The following SPEN variants were observed in gnomAD, a reference collection of about 807,000 sequenced individuals.
The protein encoded by SPEN is spen family transcriptional repressor.
SPEN carries 18 observed loss-of-function variants against 269.9 expected under a neutral mutation model. That is an observed-to-expected ratio of 0.07 (90% CI 0.05 to 0.10). The LOEUF (loss-of-function observed/expected upper bound fraction) is 0.10. Among genes scored for constraint, SPEN ranks in the 10% least tolerant of loss-of-function variants. The probability of loss-of-function intolerance (pLI) is 1.00; values close to 1 mark genes in which losing one functional copy is unlikely to be tolerated. For synonymous variants in SPEN, 1,726 were observed against 1,765.7 expected (o/e 0.98, Z 0.56); for missense variants, 3,822 against 4,631.2 (o/e 0.83, Z 5.07).
At chr1:15,881,067 C>T (rs566624593) in intron 3 of SPEN, among the ~76,000 whole-genome samples, 5 of 152,226 alleles carry the variant, frequency 3.3e-5, no homozygotes, top group East Asian at 1.9e-4. Context: ...CTCCTGGGCT[C>T]AAACCATCCT....
rs2071228660 is a variant in SPEN at position 15,932,206 on chromosome 1, C to G, written c.5966C>G (p.Thr1989Ser). Residue 1989 changes from threonine to serine, a missense_variant, in exon 11 of 15, where the codon ACT becomes AGT. Thr to Ser is a moderately conservative substitution (Grantham distance 58). Transcript: ENST00000375759. The surrounding 1 kb of genome is among the most constrained non-coding windows in gnomAD (Gnocchi z 4.2). ...TGGCGGTCGCCAAGGTCCCAGAAAA[C>G]TGCAGCTGGTGGTGGACCCCAAGGG... ...EGWRSPRSQK[T>S]AAGGGPQGKK... The G allele has an allele frequency of 1.2e-6, 2 of 1,612,756 alleles. No homozygotes were observed. The highest frequency in any genetic ancestry group is 1.7e-6 in the Non-Finnish European group (2 of 1,179,668).
At chr1:15,919,076 G>T in intron 7 of SPEN, 25 bp downstream of exon 7, 1 of 1,596,970 alleles carries the variant, frequency 6.3e-7, no homozygotes, top group South Asian at 1.1e-5. Context: ...ATAAATTATT[G>T]TGCTGTTATG....
rs1345126916 is a variant in SPEN, at chr1:15,931,453, C to T, written c.5213C>T (p.Pro1738Leu). Residue 1738 changes from proline (P) to leucine (L), a missense_variant, in exon 11 of 15, where the codon CCC becomes CTC. Physicochemically the swap from Pro to Leu is moderately conservative, Grantham distance 98. This residue lies in a region of SPEN where 533 missense variants were observed against 618.8 expected (regional missense o/e 0.86). Coordinates refer to ENST00000375759, the MANE Select transcript of SPEN (RefSeq NM_015001.3). The surrounding 1 kb of genome is among the most constrained non-coding windows in gnomAD (Gnocchi z 4.8). ...TATCTGGATGCCAAGCCTCCAACTC[C>T]CGGGGCCTCGTTTTCCCAGGCAGAG... Reference protein sequence around the residue: ...PPYLDAKPPTPGASFSQAESN... With the variant: ...PPYLDAKPPTLGASFSQAESN... The T allele has an allele frequency of 6.2e-7, 1 of 1,614,114 alleles. No individual in the cohort carries two copies. The highest frequency in any genetic ancestry group is 8.5e-7 in the Non-Finnish European group (1 of 1,180,012).
rs1185189678 is a variant in SPEN, at chr1:15,872,672, T to C, written c.84-144T>C. On this transcript the variant is annotated intron_variant, in intron 1 of 14. Coordinates refer to ENST00000375759, the MANE Select transcript of SPEN (RefSeq NM_015001.3). The stretch of plus-strand genomic sequence containing the variant: ...ATATTTTCCCCAGAGAGAAAAACGT[T>C]AAGTGTAAAAGAGAGCCATTTAAAA... 47 of 479,056 alleles carry C rather than the reference T, an allele frequency of 9.8e-5. No individual in the cohort carries two copies. The East Asian group carries it at 1.4e-3, about 15-fold the overall frequency. 29.7% of individuals were successfully genotyped at this position (479,056 alleles called of 1,614,324 possible). A position where few individuals can be genotyped will look rare whatever the true frequency, so the allele number is the denominator to read the frequency against.
chr1:15,852,306 A>G (rs945884081), intron 1 of SPEN, among the ~76,000 whole-genome samples: 6 of 152,152 alleles, frequency 3.9e-5, no homozygotes, highest in African/African-American at 1.2e-4. Flanking sequence ...CATCCCGTCT[A>G]TGAAACCACC....
intron 3 of SPEN, among the ~76,000 whole-genome samples, chr1:15,889,457 T>C (rs643420): frequency 0.6 from 90,995 of 151,562 alleles, 27,626 homozygotes; most frequent in Admixed American, 0.67. Context: ...TGAGCCACCG[T>C]GCCTGGCCAA....
intron 1 of SPEN, 25 bp from the exon 2 acceptor site, chr1:15,872,791 A>G (rs1479756068): frequency 1.4e-6 from 2 of 1,474,288 alleles, no homozygotes; most frequent in Non-Finnish European, 9.0e-7. Flanking sequence ...ATATGCAGCA[A>G]TAACGTTGAC....
At chr1:15,869,132 C>T (rs1040057188) in intron 1 of SPEN, among the ~76,000 whole-genome samples, 5 of 152,316 alleles carry the variant, frequency 3.3e-5, no homozygotes, top group Non-Finnish European at 4.4e-5. Flanking sequence ...TCTCGGCTCA[C>T]TGTAGTCTCT....
At chr1:15,863,896 A>G (rs2070471485) in intron 1 of SPEN, among the ~76,000 whole-genome samples, 2 of 152,210 alleles carry the variant, frequency 1.3e-5, no homozygotes, top group Admixed American at 1.3e-4. Context: ...ACTATTCACA[A>G]TAGCCAAAAG....
At position 15,935,423 on chromosome 1, in the gene SPEN, C is replaced by T. The variant is rs746545727; in HGVS notation, c.9183C>T (p.Gly3061=). ...STNATVMLAA[G]IPVPQFISSI... ...ACGCCACAGTCATGCTGGCTGCAGGCATCCCAGTGCCCCAGTTCATCTCCA... is the reference window on the plus strand; with the variant it reads ...ACGCCACAGTCATGCTGGCTGCAGGTATCCCAGTGCCCCAGTTCATCTCCA... Residue 3061 remains glycine (G), a synonymous_variant, in exon 11 of 15, where the codon GGC becomes GGT. Transcript: ENST00000375759. The surrounding 1 kb of genome is among the most constrained non-coding windows in gnomAD (Gnocchi z 7.7). 6.2e-7 allele frequency: 1 copy of T among 1,614,130 alleles called. No homozygotes were observed. The highest frequency in any genetic ancestry group is 1.1e-5 in the South Asian group (1 of 91,082).
intron 3 of SPEN, among the ~76,000 whole-genome samples, chr1:15,900,896 C>T (rs2070892831): frequency 6.6e-6 from 1 of 151,850 alleles, no homozygotes; most frequent in Non-Finnish European, 1.5e-5. Flanking sequence ...CCCACTGTGA[C>T]AACAAAAATG....
intron 10 of SPEN, among the ~76,000 whole-genome samples, chr1:15,927,278 C>A (rs1217929087): frequency 6.6e-6 from 1 of 152,152 alleles, no homozygotes; most frequent in Admixed American, 6.5e-5. Flanking sequence ...TGTTAGTTGG[C>A]AGCCTGGGGG....
At position 15,848,034 on chromosome 1, in the gene SPEN, G is replaced by T. The variant is rs1325294254; in HGVS notation, c.-34G>T. 5.8e-6 allele frequency: 8 copies of T among 1,370,688 alleles called. No homozygotes were observed. Among genetic ancestry groups the T allele is most frequent in the Non-Finnish European group, 7.7e-6 (8 of 1,037,764 alleles). 84.9% of individuals were successfully genotyped at this position (1,370,688 alleles called of 1,614,324 possible). ...TCTCGTACGAAGCCGGCGAGGGGGA[G>T]CCAGCAGCGGCGGTCGCCGGCACGC... On this transcript the variant is annotated 5_prime_UTR_variant, in exon 1 of 15. Coordinates refer to ENST00000375759, the MANE Select transcript of SPEN (RefSeq NM_015001.3). The surrounding 1 kb of genome is among the most constrained non-coding windows in gnomAD (Gnocchi z 5.1).
chr1:15,859,456 C>G (rs2070420612), intron 1 of SPEN, among the ~76,000 whole-genome samples: 1 of 146,044 alleles, frequency 6.8e-6, no homozygotes, highest in Non-Finnish European at 1.5e-5. Context: ...CTCCTGGGTT[C>G]ACACCATTCT....
At position 15,876,692 on chromosome 1, in the gene SPEN, CT is replaced by C. The variant is rs1428439489; in HGVS notation, c.881+18del. 1.3e-6 allele frequency: 2 copies of C among 1,581,534 alleles called. No homozygotes were observed. Among genetic ancestry groups the C allele is most frequent in the African/African-American group, 1.3e-5 (1 of 74,376 alleles). On this transcript the variant is annotated intron_variant, in intron 3 of 14. Coordinates refer to ENST00000375759, the MANE Select transcript of SPEN (RefSeq NM_015001.3). Reference sequence around the variant, plus strand: ...CAGCAGTGACAGGTAGGTTAACAGCCTTTTGTTATAACAGATGAGCTAGCTT... The same window carrying C: ...CAGCAGTGACAGGTAGGTTAACAGCCTTTGTTATAACAGATGAGCTAGCTT...
intron 11 of SPEN, among the ~76,000 whole-genome samples, chr1:15,936,725 T>G (rs1055835910): frequency 9.2e-5 from 14 of 151,374 alleles, no homozygotes; most frequent in African/African-American, 3.2e-4. Flanking sequence ...TCACTTGAGG[T>G]CAGGAGTTCA....
In SPEN at chr1:15,847,939, C is replaced by T. The variant is rs1279350054; in HGVS notation, c.-129C>T. The T allele has an allele frequency of 2.5e-6, 1 of 399,386 alleles. No homozygotes were observed. Among genetic ancestry groups the T allele is most frequent in the Non-Finnish European group, 4.2e-6 (1 of 238,890 alleles). The allele number at this position is 399,386 out of a possible 1,614,324, so 24.7% of individuals were successfully genotyped here. A position where few individuals can be genotyped will look rare whatever the true frequency, so the allele number is the denominator to read the frequency against. ...CACGGGGGGGAGCCGGAGGAGCCGC[C>T]GCCGCTGCCGACGCCACCGCCGCAG... On this transcript the variant is annotated 5_prime_UTR_variant, in exon 1 of 15. Transcript: ENST00000375759.
chr1:15,901,153 G>C (rs1194060726), intron 3 of SPEN, among the ~76,000 whole-genome samples: 2 of 150,868 alleles, frequency 1.3e-5, no homozygotes, highest in African/African-American at 2.4e-5. Context: ...AGGAGTTTGA[G>C]GCCAGCCTGG....
intron 10 of SPEN, among the ~76,000 whole-genome samples, chr1:15,926,837 C>T (rs12121496): frequency 0.18 from 27,060 of 151,916 alleles, 3,117 homozygotes; most frequent in South Asian, 0.28. Flanking sequence ...GGACTACAGG[C>T]GCCTGCCACC....
Sources: gnomAD v4.1 joint callset for allele counts (sites outside exome capture counted in the v4.1 genomes callset) on GRCh38, gnomAD v4.1.1 for gene constraint, gnomAD v4.1.1 regional missense constraint, Gnocchi (gnomAD v3.1) non-coding constraint, MANE v1.5 for transcripts, NCBI Gene and HGNC (gene_info 2026-07-23, HGNC 2026-07-21) for gene names.